Variants in CNTD1 observed in about 807,000 individuals in gnomAD.
CNTD1 encodes the protein cyclin N-terminal domain-containing protein 1.
A neutral mutation model predicts 36.3 loss-of-function variants in CNTD1; 17 were observed. That is an observed-to-expected ratio of 0.47 (90% CI 0.32 to 0.70). The LOEUF (loss-of-function observed/expected upper bound fraction) is 0.70. CNTD1 is among the 30% of genes least tolerant of loss of function. The pLI is 0.03. For missense variants in CNTD1, 338 were observed against 386.1 expected (o/e 0.88, Z 1.04); for synonymous variants, 128 against 153.3 (o/e 0.83, Z 1.22).
At chr17:42,806,226 C>CAAAAA (rs34561225) in intron 4 of CNTD1, among the ~76,000 whole-genome samples, 8 of 129,512 alleles carry the variant, frequency 6.2e-5, no homozygotes, top group African/African-American at 2.2e-4. Flanking sequence ...GACTCCTTCT[C>CAAAAA]AAAAAAAAAA....
rs563072344 is a variant in CNTD1, at chr17:42,804,676, C to T, written c.417+280C>T. Among the ~76,000 whole-genome samples, 32 of 152,020 alleles carry T rather than the reference C, an allele frequency of 2.1e-4. No individual in the cohort carries two copies. In the East Asian group the frequency reaches 5.2e-3, roughly 25 times the overall value. On this transcript the variant is annotated intron_variant, in intron 3 of 6. Transcript: ENST00000588408. ...TACAAAAATTAGCCAGGTGTGGTGG[C>T]GCACACCTGTAATTCCAGCTCCTCA...
At chr17:42,806,424 G>A (rs1446377824) in intron 4 of CNTD1, among the ~76,000 whole-genome samples, 1 of 152,060 alleles carries the variant, frequency 6.6e-6, no homozygotes, top group Admixed American at 6.6e-5. Context: ...GATCAAAGAG[G>A]TGACTTTATA....
chr17:42,806,899 A>G, intron 5 of CNTD1, 81 bp downstream of exon 5: 1 of 1,363,238 alleles, frequency 7.3e-7, no homozygotes, highest in Non-Finnish European at 1.0e-6. Flanking sequence ...GAATGGAATT[A>G]GCCTAGCATG....
intron 1 of CNTD1, among the ~76,000 whole-genome samples, chr17:42,799,892 C>T (rs533167081): frequency 2.0e-5 from 3 of 150,306 alleles, no homozygotes; most frequent in East Asian, 1.9e-4. Context: ...GGTGAAACCC[C>T]GTCTCTACTA....
chr17:42,801,532 T>C (rs1411267081), intron 1 of CNTD1, among the ~76,000 whole-genome samples: 1 of 81,262 alleles, frequency 1.2e-5, no homozygotes, highest in Non-Finnish European at 2.3e-5. Context: ...TATATATATA[T>C]ATATATATAT....
Position 42,799,151 on chromosome 17 carries a change from C to T in CNTD1, c.84C>T (p.Ala28=), listed in dbSNP as rs771447116. 1.9e-6 allele frequency: 3 copies of T among 1,614,040 alleles called. No homozygotes were observed. The stretch of plus-strand genomic sequence containing the variant: ...TCGCCACAGAGACGATTGAAGACGC[C>T]CTGCTTCACTTGGCCCAGCAGAATG... ...GVVATETIED[A]LLHLAQQNEQ... The change falls in exon 1 of 7, where the codon GCC becomes GCT. Residue 28 remains alanine (A), a synonymous_variant. Transcript: ENST00000588408.
In CNTD1 at chr17:42,804,404, G is replaced by T; in HGVS notation, c.417+8G>T. 6.2e-7 allele frequency: 1 copy of T among 1,612,222 alleles called. No homozygotes were observed. On this transcript the variant is annotated splice_region_variant and intron_variant, in intron 3 of 6. Transcript: ENST00000588408. ...CTTTCCTTCCGAAACAAAGTAAGGA[G>T]CTGGGGTTGCTCATGGGCACCTGAG...
In CNTD1 at chr17:42,804,298, C is replaced by A. The variant is rs573823531; in HGVS notation, c.319C>A (p.Gln107Lys). 1 of 1,614,064 alleles carries A rather than the reference C, an allele frequency of 6.2e-7. No individual in the cohort carries two copies. The highest frequency in any genetic ancestry group is 8.5e-7 in the Non-Finnish European group (1 of 1,179,972). Residue 107 changes from glutamine (Q) to lysine (K), a missense_variant, in exon 3 of 7, where the codon CAG becomes AAG. By Grantham distance (53) the Gln-to-Lys change is moderately conservative. Transcript: ENST00000588408. ...IQPRDNKRES[Q>K]NWRALKQQLV... The stretch of plus-strand genomic sequence containing the variant: ...GCCAAGAGATAATAAGAGAGAGTCT[C>A]AGAATTGGAGGGCTCTGAAACAGCA...
At chr17:42,803,741 G>T (rs766835747) in intron 2 of CNTD1, 46 bp downstream of exon 2, 1 of 1,441,824 alleles carries the variant, frequency 6.9e-7, no homozygotes, top group African/African-American at 1.4e-5. Context: ...TCTCAGAGTG[G>T]CTAATGTACC....
chr17:42,805,946 C>T, intron 4 of CNTD1, 62 bp downstream of exon 4: 1 of 1,450,538 alleles, frequency 6.9e-7, no homozygotes, highest in Non-Finnish European at 9.4e-7. Context: ...ACAAAATGTG[C>T]ATGGGGGGGC....
chr17:42,802,145 T>C (rs1169737213), intron 1 of CNTD1, among the ~76,000 whole-genome samples: 1 of 152,036 alleles, frequency 6.6e-6, no homozygotes, highest in Non-Finnish European at 1.5e-5. Flanking sequence ...GATGGGAGGA[T>C]TGCTTGAGCC....
intron 1 of CNTD1, 57 bp downstream of exon 1, chr17:42,799,293 A>G: frequency 2.0e-6 from 3 of 1,531,546 alleles, no homozygotes; most frequent in East Asian, 2.3e-5. Context: ...TGTGTCTTTC[A>G]GGCACCGACC....
chr17:42,808,025 G>C, intron 6 of CNTD1, 161 bp downstream of exon 6: 1 of 547,256 alleles, frequency 1.8e-6, no homozygotes, highest in Non-Finnish European at 3.2e-6. Flanking sequence ...GGATAGGGCT[G>C]AAATGTTTCC....
chr17:42,809,264 T>C, intron 6 of CNTD1, 101 bp from the exon 7 acceptor site: 1 of 1,148,024 alleles, frequency 8.7e-7, no homozygotes, highest in Admixed American at 2.4e-5. Flanking sequence ...AAAAATGAAT[T>C]TACAATTGCC....
chr17:42,809,172 A>G (rs1383426708), intron 6 of CNTD1, among the ~76,000 whole-genome samples, 193 bp from the exon 7 acceptor site: 3 of 152,252 alleles, frequency 2.0e-5, no homozygotes, highest in Non-Finnish European at 2.9e-5. Context: ...TGTCTACCAG[A>G]AAGTTTCCAT....
chr17:42,807,992 A>G, intron 6 of CNTD1, 128 bp downstream of exon 6: 1 of 650,274 alleles, frequency 1.5e-6, no homozygotes, highest in Non-Finnish European at 2.7e-6. Context: ...ATGGGTGTGC[A>G]AGATTTGAGA....
chr17:42,801,790 G>T (rs1340379809), intron 1 of CNTD1, among the ~76,000 whole-genome samples: 1 of 151,944 alleles, frequency 6.6e-6, no homozygotes, highest in Non-Finnish European at 1.5e-5. Flanking sequence ...GTCAAGGACA[G>T]TTCCTTGGGA....
intron 6 of CNTD1, among the ~76,000 whole-genome samples, 158 bp from the exon 7 acceptor site, chr17:42,809,207 T>C (rs535311056): frequency 1.3e-5 from 2 of 152,364 alleles, no homozygotes; most frequent in East Asian, 3.8e-4. Context: ...GGCAAAGGTA[T>C]CCTAATATAA....
chr17:42,804,349 C>T lies in CNTD1; in HGVS notation c.370C>T (p.Leu124Phe). Residue 124 changes from leucine (L) to phenylalanine (F), a missense_variant, in exon 3 of 7, where the codon CTT becomes TTT. Physicochemically the swap from Leu to Phe is conservative, Grantham distance 22. Coordinates refer to ENST00000588408, the MANE Select transcript of CNTD1 (RefSeq NM_173478.3). ...GCTTGTCAACAAGTTTACTCTCCGT[C>T]TTGTGTCATGTGTTCAGCTGGCCAG... ...QQLVNKFTLR[L>F]VSCVQLASKL... 6.2e-7 allele frequency: 1 copy of T among 1,614,118 alleles called. No individual in the cohort carries two copies. Among genetic ancestry groups the T allele is most frequent in the Non-Finnish European group, 8.5e-7 (1 of 1,180,006 alleles).
Sources: gnomAD v4.1 joint callset for allele counts (sites outside exome capture counted in the v4.1 genomes callset) on GRCh38, gnomAD v4.1.1 for gene constraint, MANE v1.5 for transcripts, NCBI Gene and HGNC (gene_info 2026-07-23, HGNC 2026-07-21) for gene names.